Variants in LRP1 observed in about 807,000 individuals in gnomAD.
LRP1 encodes prolow-density lipoprotein receptor-related protein 1.
In LRP1, 51 loss-of-function variants were observed where a neutral mutation model predicts 541.5. That is an observed-to-expected ratio of 0.09 (90% CI 0.08 to 0.12). The LOEUF is 0.12. Among genes scored for constraint, LRP1 ranks in the 10% least tolerant of loss-of-function variants. The pLI is 1.00. For synonymous variants in LRP1, 2,219 were observed against 2,470.8 expected (o/e 0.90, Z 3.02); for missense variants, 3,878 against 6,376.2 (o/e 0.61, Z 13.34).
At chr12:57,174,359 T>C (rs1424521168) in intron 22 of LRP1, among the ~76,000 whole-genome samples, 1 of 151,796 alleles carries the variant, frequency 6.6e-6, no homozygotes, top group South Asian at 2.1e-4. Flanking sequence ...CACAGAGAGA[T>C]GCGGAGTGCT....
intron 45 of LRP1, 68 bp downstream of exon 45, chr12:57,193,038 C>G (rs2036449991): frequency 6.3e-7 from 1 of 1,587,866 alleles, no homozygotes; most frequent in Non-Finnish European, 8.6e-7. Flanking sequence ...GACCATCTCC[C>G]CTACATGCTC....
rs536279348 is a variant in LRP1, at chr12:57,205,716, C to T, written c.11590+39C>T. ...CAGAGGGCAGAAAGGCTGGGTGGGG[C>T]AGGGCGACCAGGATATCAAACGGGG... On this transcript the variant is annotated intron_variant, in intron 75 of 88. Transcript: ENST00000243077. This position sits in a 1 kb window ranked among gnomAD's most constrained non-coding sequence, Gnocchi z 4.6. 1.5e-5 allele frequency: 24 copies of T among 1,598,782 alleles called. No individual in the cohort carries two copies. The East Asian group carries it at 5.1e-4, about 34-fold the overall frequency.
rs746302045 is a variant in LRP1, at chr12:57,211,775, C to T, written c.13219C>T (p.Arg4407Trp). The change falls in exon 86 of 89, where the codon CGG becomes TGG. Residue 4407 changes from arginine to tryptophan, a missense_variant. Coordinates refer to ENST00000243077, the MANE Select transcript of LRP1 (RefSeq NM_002332.3). This position sits in a 1 kb window ranked among gnomAD's most constrained non-coding sequence, Gnocchi z 4.3. ...GTGCCCACCCCACATGACAGGGCCC[C>T]GGTGTGAGGAGCACGTCTTCAGCCA... ...CQCPPHMTGP[R>W]CEEHVFSQQQ... The T allele has an allele frequency of 9.3e-6, 15 of 1,612,788 alleles. No homozygotes were observed. The Admixed American group carries it at 1.2e-4, about 13-fold the overall frequency.
chr12:57,182,236 C>T (rs1255577658), intron 34 of LRP1, among the ~76,000 whole-genome samples: 7 of 152,086 alleles, frequency 4.6e-5, no homozygotes, highest in African/African-American at 1.4e-4. Flanking sequence ...CTGGGCCAGG[C>T]GCAGTGGCTC....
In LRP1 at chr12:57,195,698, G is replaced by A; in HGVS notation, c.8478G>A (p.Gln2826=). The change falls in exon 53 of 89, where the codon CAG becomes CAA. Residue 2826 remains glutamine (Q), a synonymous_variant. Coordinates refer to ENST00000243077, the MANE Select transcript of LRP1 (RefSeq NM_002332.3). ...STCDDREFMC[Q]NRQCIPKHFV... is the part of the protein sequence containing the mutation. ...GTGACGACCGTGAGTTCATGTGCCA[G>A]AACCGCCAGTGCATCCCCAAGCACT... 1 of 1,614,154 alleles carries A rather than the reference G, an allele frequency of 6.2e-7. No homozygotes were observed. Among genetic ancestry groups the A allele is most frequent in the Non-Finnish European group, 8.5e-7 (1 of 1,180,022 alleles).
chr12:57,199,737 C>A, intron 61 of LRP1, 140 bp from the exon 62 acceptor site: 1 of 1,048,210 alleles, frequency 9.5e-7, no homozygotes, highest in Non-Finnish European at 1.4e-6. Flanking sequence ...ACCTTAGAAT[C>A]CTCTCCTATC....
rs761900939 is a variant in LRP1, at chr12:57,211,995, T to G, written c.13327T>G (p.Trp4443Gly). The change falls in exon 87 of 89, where the codon TGG (tryptophan) becomes GGG (glycine). Residue 4443 changes from tryptophan to glycine, a missense_variant. Physicochemically the swap from Trp to Gly is radical, Grantham distance 184 (BLOSUM62 -2). This residue lies in a region of LRP1 where 871 missense variants were observed against 1,212.4 expected (regional missense o/e 0.72). Transcript: ENST00000243077. This position sits in a 1 kb window ranked among gnomAD's most constrained non-coding sequence, Gnocchi z 4.3. ...GGTTCTGGTGGCCGGAGTGGTATTC[T>G]GGTATAAGCGGCGAGTCCAAGGGTG... ...LLVLVAGVVFWYKRRVQGAKG... is the reference protein window; with the variant it reads ...LLVLVAGVVFGYKRRVQGAKG... 7 of 1,614,180 alleles carry G rather than the reference T, an allele frequency of 4.3e-6. No homozygotes were observed. The highest frequency in any genetic ancestry group is 5.9e-6 in the Non-Finnish European group (7 of 1,180,028).
At position 57,191,498 on chromosome 12, in the gene LRP1, A is replaced by G. The variant is rs148875245; in HGVS notation, c.7415A>G (p.Asn2472Ser). ...CCCATGGGCATCATCGCCGTGGCCA[A>G]CGACACCAACAGCTGTGAGTGGGGC... ...QQPMGIIAVANDTNSCELSPC... is the reference protein window; with the variant it reads ...QQPMGIIAVASDTNSCELSPC... Residue 2472 changes from asparagine (N) to serine (S), a missense_variant, in exon 44 of 89, where the codon AAC (asparagine) becomes AGC (serine). Around this residue, in one of 13 missense-constraint regions of LRP1, gnomAD observed 1,100 missense variants for 1,827.4 expected, o/e 0.60. Coordinates refer to ENST00000243077, the MANE Select transcript of LRP1 (RefSeq NM_002332.3). 8.8e-4 allele frequency: 1,400 copies of G among 1,594,118 alleles called. 5 individuals carry two copies. Among genetic ancestry groups the G allele is most frequent in the South Asian group, 5.1e-3 (456 of 90,090 alleles).
In LRP1 at chr12:57,181,153, C is replaced by G. The variant is rs755548967; in HGVS notation, c.5528-4C>G. 1 of 1,612,680 alleles carries G rather than the reference C, an allele frequency of 6.2e-7. No individual in the cohort carries two copies. The highest frequency in any genetic ancestry group is 1.1e-5 in the South Asian group (1 of 90,914). On this transcript the variant is annotated splice_region_variant and splice_polypyrimidine_tract_variant and intron_variant, in intron 33 of 88. Transcript: ENST00000243077. ...CTTTCCCTCTGCCTCCCACCTGCCC[C>G]CAGACCATAAGGGCACCAACCCCTG... is the stretch of plus-strand genomic sequence containing the variant.
At chr12:57,187,502 C>A in intron 42 of LRP1, 46 bp downstream of exon 42, 1 of 1,574,578 alleles carries the variant, frequency 6.4e-7, no homozygotes, top group South Asian at 1.2e-5. Flanking sequence ...AGGTGGGACT[C>A]GGGGTGGCAG....
chr12:57,195,218 A>G (rs1385760107), intron 51 of LRP1, 53 bp from the exon 52 acceptor site: 5 of 1,604,256 alleles, frequency 3.1e-6, no homozygotes, highest in Non-Finnish European at 4.3e-6. Flanking sequence ...CTCCACTGCT[A>G]GACCTGATCT....
intron 6 of LRP1, chr12:57,149,925 TC>T (rs1368474794): frequency 1.6e-6 from 1 of 609,270 alleles, no homozygotes; most frequent in African/African-American, 1.8e-5. Context: ...AGACAGACTG[TC>T]CTCTCCCACT....
intron 22 of LRP1, 107 bp from the exon 23 acceptor site, chr12:57,175,353 C>G: frequency 7.4e-7 from 1 of 1,355,196 alleles, no homozygotes; most frequent in Admixed American, 1.8e-5. Flanking sequence ...GGGCAGGGCA[C>G]AAGGACTTGG....
chr12:57,149,054 C>G (rs1217457379), intron 6 of LRP1: 1 of 618,620 alleles, frequency 1.6e-6, no homozygotes, highest in Non-Finnish European at 2.9e-6. Flanking sequence ...AAGGGGCAGA[C>G]AGCAGTCCCT....
At chr12:57,187,144 C>A in intron 41 of LRP1, 123 bp from the exon 42 acceptor site, 1 of 963,608 alleles carries the variant, frequency 1.0e-6, no homozygotes, top group Non-Finnish European at 1.5e-6. Flanking sequence ...ACCTCTTGCA[C>A]TCCCATACCC....
In LRP1 at chr12:57,179,043, G is replaced by T; in HGVS notation, c.4738+22G>T. On this transcript the variant is annotated intron_variant, in intron 28 of 88. Transcript: ENST00000243077. This position sits in a 1 kb window ranked among gnomAD's most constrained non-coding sequence, Gnocchi z 6.8. ...TATGGTAGGAGCCCCTCCCTCCAGA[G>T]CCAGTGAGCAACTGAGGCTGGAGGG... 6.2e-7 allele frequency: 1 copy of T among 1,607,984 alleles called. No homozygotes were observed.
intron 5 of LRP1, 38 bp from the exon 6 acceptor site, chr12:57,145,189 G>A (rs757157040): frequency 5.6e-6 from 9 of 1,613,610 alleles, no homozygotes; most frequent in Non-Finnish European, 6.8e-6. Context: ...TGGTCCTAGA[G>A]CCCTGGCTGC....
Position 57,145,098 on chromosome 12 carries a change from A to T in LRP1, c.575A>T (p.Asn192Ile). The T allele has an allele frequency of 6.2e-7, 1 of 1,613,932 alleles. No homozygotes were observed. The highest frequency in any genetic ancestry group is 8.5e-7 in the Non-Finnish European group (1 of 1,180,012). ...GATAACCGCTCCTGCAAGGCCAAGA[A>T]CGGTGGGTGGGGTTGCCTCTGGCCA... ...QPDNRSCKAK[N>I]EPVDRPPVLL... The change falls in exon 5 of 89, where the codon AAC (asparagine) becomes ATC (isoleucine). Residue 192 changes from asparagine (N) to isoleucine (I), a missense_variant and splice_region_variant. Coordinates refer to ENST00000243077, the MANE Select transcript of LRP1 (RefSeq NM_002332.3).
rs1447785356 is a variant in LRP1, at chr12:57,178,628, G to A, written c.4606+25G>A. 3 of 1,613,232 alleles carry A rather than the reference G, an allele frequency of 1.9e-6. No homozygotes were observed. Among genetic ancestry groups the A allele is most frequent in the African/African-American group, 1.3e-5 (1 of 74,928 alleles). On this transcript the variant is annotated intron_variant, in intron 27 of 88. Transcript: ENST00000243077. The surrounding 1 kb of genome is among the most constrained non-coding windows in gnomAD (Gnocchi z 5.8). ...GGTAAGGGGCTCGGGGCCTCGAGCAGCCGGAAGGGAGCCAGCAGCCTCTTT... is the reference window on the plus strand; with the variant it reads ...GGTAAGGGGCTCGGGGCCTCGAGCAACCGGAAGGGAGCCAGCAGCCTCTTT...
Sources: allele counts gnomAD v4.1 joint callset (sites outside exome capture counted in the v4.1 genomes callset), GRCh38; gene constraint gnomAD v4.1.1; regional missense constraint gnomAD v4.1.1; non-coding constraint Gnocchi (gnomAD v3.1); transcripts MANE v1.5; gene names NCBI Gene and HGNC (gene_info 2026-07-23, HGNC 2026-07-21).